PHLPP1: variants seen among roughly 807,000 people sequenced by gnomAD.
The protein encoded by PHLPP1 is PH domain and leucine rich repeat protein phosphatase 1, also known as PH domain leucine-rich repeat-containing protein phosphatase 1.
A neutral mutation model predicts 117.2 loss-of-function variants in PHLPP1; 42 were observed. That is an observed-to-expected ratio of 0.36 (90% CI 0.28 to 0.46). The LOEUF (loss-of-function observed/expected upper bound fraction) is 0.46. Among genes scored for constraint, PHLPP1 ranks in the 20% least tolerant of loss-of-function variants. The pLI, the probability that PHLPP1 is intolerant of heterozygous loss-of-function variation, is 1.00. For missense variants in PHLPP1, 2,084 were observed against 2,241.9 expected, an observed-to-expected ratio of 0.93 and a Z score of 1.42; for synonymous variants, 1,042 against 970.7, an observed-to-expected ratio of 1.07 and a Z score of -1.37.
Position 62,979,682 on chromosome 18 carries a change from T to C in PHLPP1, c.*251T>C. 2 of 515,540 alleles carry C rather than the reference T, an allele frequency of 3.9e-6. No homozygotes were observed. Among genetic ancestry groups the C allele is most frequent in the South Asian group, 5.7e-5 (2 of 35,308 alleles). 31.9% of individuals were successfully genotyped at this position (515,540 alleles called of 1,614,324 possible). A position where few individuals can be genotyped will look rare whatever the true frequency, so the allele number is the denominator to read the frequency against. On this transcript the variant is annotated 3_prime_UTR_variant, in exon 17 of 17. Coordinates refer to ENST00000262719, the MANE Select transcript of PHLPP1 (RefSeq NM_194449.4). ...TTCTCCCCCTAACATATCAGATATG[T>C]AAAGACAAAGAACAAAAGGTTTAAT...
At chr18:62,866,400 A>C (rs1915772802) in intron 4 of PHLPP1, among the ~76,000 whole-genome samples, 2 of 151,934 alleles carry the variant, frequency 1.3e-5, no homozygotes, top group Non-Finnish European at 2.9e-5. Flanking sequence ...ACCCGCCACC[A>C]TGCCTGGCTA....
intron 1 of PHLPP1, among the ~76,000 whole-genome samples, chr18:62,823,362 G>A (rs1215281737): frequency 6.6e-6 from 1 of 151,962 alleles, no homozygotes; most frequent in East Asian, 1.9e-4. Context: ...GCAGGAATTC[G>A]AGACCAGCTT....
At chr18:62,831,430 C>T (rs777063478) in intron 2 of PHLPP1, among the ~76,000 whole-genome samples, 4 of 151,868 alleles carry the variant, frequency 2.6e-5, no homozygotes, top group South Asian at 4.2e-4. Flanking sequence ...CTCTGCCTCC[C>T]GGGTTCAAGT....
intron 4 of PHLPP1, among the ~76,000 whole-genome samples, chr18:62,891,738 A>AG (rs1379151231): frequency 6.6e-6 from 1 of 150,738 alleles, no homozygotes; most frequent in Admixed American, 6.6e-5. Context: ...AAAAAAAAAA[A>AG]AAAAATTAGC....
chr18:62,943,651 C>T lies in PHLPP1; in HGVS notation c.3162-1458C>T, dbSNP rs189611005. 1.4e-3 allele frequency among the ~76,000 whole-genome samples: 210 copies of T among 152,118 alleles called. 1 individual carries two copies. Among genetic ancestry groups the T allele is most frequent in the Middle Eastern group, 6.8e-3 (2 of 294 alleles). On this transcript the variant is annotated intron_variant, in intron 11 of 16. Transcript: ENST00000262719. ...GCCAGGGTCTTGCGTGAATGCACAG[C>T]GTGTGAATTCTCTGATTACCATGGG... is the stretch of plus-strand genomic sequence containing the variant.
chr18:62,962,131 G>A (rs1351106187), intron 13 of PHLPP1, among the ~76,000 whole-genome samples: 2 of 152,200 alleles, frequency 1.3e-5, no homozygotes, highest in Non-Finnish European at 2.9e-5. Flanking sequence ...TAATGAGGGG[G>A]AAACTTAGTG....
chr18:62,904,794 G>A (rs1916805276), intron 7 of PHLPP1, among the ~76,000 whole-genome samples: 1 of 152,238 alleles, frequency 6.6e-6, no homozygotes, highest in Admixed American at 6.5e-5. Flanking sequence ...TTCAGGAAGT[G>A]TTTCAGATTT....
In PHLPP1 at chr18:62,972,596, G is replaced by T; in HGVS notation, c.3643G>T (p.Val1215Leu). 10 of 1,613,964 alleles carry T rather than the reference G, an allele frequency of 6.2e-6. No homozygotes were observed. The highest frequency in any genetic ancestry group is 8.5e-6 in the Non-Finnish European group (10 of 1,179,868). ...TGGTGTGTTTGACGGAGACCGGAAT[G>T]TGGAGGTGCCCTACCTTCTCCAGTG... ...LYGVFDGDRN[V>L]EVPYLLQCTM... The change falls in exon 15 of 17, where the codon GTG becomes TTG. Residue 1215 changes from valine to leucine, a missense_variant. By Grantham distance (32) the Val-to-Leu change is conservative. Coordinates refer to ENST00000262719, the MANE Select transcript of PHLPP1 (RefSeq NM_194449.4).
intron 1 of PHLPP1, among the ~76,000 whole-genome samples, chr18:62,753,453 AC>A (rs1283699657): frequency 6.6e-6 from 1 of 152,154 alleles, no homozygotes; most frequent in Non-Finnish European, 1.5e-5. Flanking sequence ...CATTTGTTGC[AC>A]CCAGCAATGT....
chr18:62,802,522 A>T (rs553386549), intron 1 of PHLPP1, among the ~76,000 whole-genome samples: 6 of 152,326 alleles, frequency 3.9e-5, no homozygotes, highest in African/African-American at 1.4e-4. Flanking sequence ...TAAAGTAGGG[A>T]TAGCAGGACA....
intron 2 of PHLPP1, chr18:62,832,188 T>C (rs1599071386): frequency 6.6e-6 from 1 of 152,234 alleles, no homozygotes; most frequent in African/African-American, 2.4e-5. Flanking sequence ...AATACTAACA[T>C]AGCTAAATAA....
intron 2 of PHLPP1, among the ~76,000 whole-genome samples, chr18:62,831,209 AG>A (rs1286641056): frequency 6.6e-6 from 1 of 152,198 alleles, no homozygotes; most frequent in East Asian, 1.9e-4. Context: ...AGCATTGGTA[AG>A]GGTAGCATCA....
intron 2 of PHLPP1, among the ~76,000 whole-genome samples, chr18:62,836,466 AATAAATAAAT>A (rs1914902801): frequency 6.8e-6 from 1 of 147,480 alleles, no homozygotes; most frequent in African/African-American, 2.5e-5. Flanking sequence ...TAAATAAATA[AATAAATAAAT>A]AAATAAATAA....
chr18:62,967,862 T>C (rs1910947858), intron 14 of PHLPP1, among the ~76,000 whole-genome samples: 1 of 152,098 alleles, frequency 6.6e-6, no homozygotes, highest in South Asian at 2.1e-4. Flanking sequence ...TTCACTCTTA[T>C]TGCCCAGGCT....
intron 1 of PHLPP1, among the ~76,000 whole-genome samples, chr18:62,765,853 C>G (rs1429773075): frequency 6.6e-6 from 1 of 150,690 alleles, no homozygotes; most frequent in African/African-American, 2.4e-5. Flanking sequence ...AAAAAATTAG[C>G]TGGGTGTGGT....
chr18:62,837,575 A>G (rs938713563), intron 2 of PHLPP1: 1 of 151,606 alleles, frequency 6.6e-6, no homozygotes, highest in Non-Finnish European at 1.5e-5. Context: ...TTTCTCTTAC[A>G]TATTTGGTTT....
intron 1 of PHLPP1, among the ~76,000 whole-genome samples, chr18:62,764,192 AC>A (rs1394111519): frequency 3.3e-5 from 5 of 151,260 alleles, no homozygotes; most frequent in African/African-American, 1.2e-4. Context: ...AACAACAACA[AC>A]CAAAAAAACA....
intron 3 of PHLPP1, chr18:62,839,676 CA>C (rs951624895): frequency 1.6e-4 from 24 of 148,894 alleles, no homozygotes; most frequent in African/African-American, 5.7e-4. Flanking sequence ...GAGATTGCAC[CA>C]TTACACTACA....
At chr18:62,747,315 C>T (rs1261155234) in intron 1 of PHLPP1, among the ~76,000 whole-genome samples, 2 of 136,540 alleles carry the variant, frequency 1.5e-5, no homozygotes, top group Admixed American at 7.7e-5. Flanking sequence ...AACAGAGTCT[C>T]GCTCTTTTGC....
Sources: gnomAD v4.1 joint callset for allele counts (sites outside exome capture counted in the v4.1 genomes callset) on GRCh38, gnomAD v4.1.1 for gene constraint, MANE v1.5 for transcripts, NCBI Gene and HGNC (gene_info 2026-07-23, HGNC 2026-07-21) for gene names.